ZNF70: variants seen among roughly 807,000 people sequenced by gnomAD.
ZNF70 encodes the protein zinc finger protein N27C7-1.
ZNF70 carries 18 observed loss-of-function variants against 37.7 expected under a neutral mutation model. The observed-to-expected ratio is 0.48, with a 90% CI of 0.33 to 0.71. The LOEUF (loss-of-function observed/expected upper bound fraction) is 0.71, where lower values mean the gene tolerates loss of function less well. Among genes scored for constraint, ZNF70 ranks in the 30% least tolerant of loss-of-function variants. ZNF70 has a pLI of 0.02. For synonymous variants in ZNF70, 219 were observed against 220.1 expected, an observed-to-expected ratio of 0.99 and a Z score of 0.05; for missense variants, 506 against 568.6, an observed-to-expected ratio of 0.89 and a Z score of 1.12.
chr22:23,740,195 A>C lies in ZNF70; in HGVS notation c.*3605T>G, dbSNP rs1013779289. Reference sequence around the variant, plus strand: ...CGTGGTGGCGGGTGCCTGTAGTCCCAGCTACTTGGGAGGCTGAGGCAGGAG... The same window carrying C: ...CGTGGTGGCGGGTGCCTGTAGTCCCCGCTACTTGGGAGGCTGAGGCAGGAG... On this transcript the variant is annotated 3_prime_UTR_variant, in exon 2 of 2. Transcript: ENST00000341976. 1.3e-5 allele frequency: 2 copies of C among 151,742 alleles called. No homozygotes were observed. The highest frequency in any genetic ancestry group is 2.4e-5 in the African/African-American group (1 of 41,328). 9.4% of individuals were successfully genotyped at this position (151,742 alleles called of 1,614,324 possible).
At chr22:23,748,338 C>T (rs1377353211) in intron 1 of ZNF70, among the ~76,000 whole-genome samples, 3 of 152,132 alleles carry the variant, frequency 2.0e-5, no homozygotes, top group African/African-American at 7.2e-5. Context: ...CTCCCCGGCT[C>T]AACTGATCCT....
rs1331765258 is a variant in ZNF70, at chr22:23,745,117, C to G, written c.24G>C (p.Lys8Asn). MEVPPAT[K>N]FGETFAFENR... Reference sequence around the variant, plus strand: ...TCTCAAATGCAAAGGTCTCACCAAACTTTGTTGCTGGGGGAACCTCCATTG... The same window carrying G: ...TCTCAAATGCAAAGGTCTCACCAAAGTTTGTTGCTGGGGGAACCTCCATTG... The change falls in exon 2 of 2, where the codon AAG becomes AAC. Residue 8 changes from lysine (K) to asparagine (N), a missense_variant. Transcript: ENST00000341976. The G allele has an allele frequency of 2.5e-6, 4 of 1,612,428 alleles. No homozygotes were observed. The highest frequency in any genetic ancestry group is 3.4e-6 in the Non-Finnish European group (4 of 1,178,704).
In ZNF70 at chr22:23,744,393, T is replaced by C. The variant is rs746936520; in HGVS notation, c.748A>G (p.Arg250Gly). Residue 250 changes from arginine (R) to glycine (G), a missense_variant, in exon 2 of 2, where the codon AGA becomes GGA. Physicochemically the swap from Arg to Gly is moderately radical, Grantham distance 125. Transcript: ENST00000341976. The stretch of plus-strand genomic sequence containing the variant: ...CCACATTCCTTACACTGATAAGGTC[T>C]CTCTCCTGTATGAATTCTCTCGTGT... ...RKHERIHTGE[R>G]PYQCKECGKS... is the part of the protein sequence containing the mutation. The C allele has an allele frequency of 2.5e-6, 4 of 1,614,156 alleles. No homozygotes were observed. The highest frequency in any genetic ancestry group is 1.6e-4 in the Middle Eastern group (1 of 6,062).
In ZNF70 at chr22:23,738,739, T is replaced by G. The variant is rs1924792692; in HGVS notation, c.*5061A>C. 1 of 152,068 alleles carries G rather than the reference T, an allele frequency of 6.6e-6. No individual in the cohort carries two copies. Among genetic ancestry groups the G allele is most frequent in the African/African-American group, 2.4e-5 (1 of 41,398 alleles). The allele number at this position is 152,068 out of a possible 1,614,324, so 9.4% of individuals were successfully genotyped here. ...TCATACCCTGCCTATTTCTCAAAAA[T>G]GACTTGAGAAAAACTGCACAACATA... On this transcript the variant is annotated 3_prime_UTR_variant, in exon 2 of 2. Transcript: ENST00000341976.
rs752941964 is a variant in ZNF70 at position 23,742,486 on chromosome 22, A to G, written c.*1314T>C. On this transcript the variant is annotated 3_prime_UTR_variant, in exon 2 of 2. Transcript: ENST00000341976. ...TACAGGAGGCTCAGGATGGCATCCT[A>G]GAGGAAGTGTCCTTGTGTGGGACAC... is the stretch of plus-strand genomic sequence containing the variant. The G allele has an allele frequency of 6.6e-6, 1 of 152,292 alleles. No individual in the cohort carries two copies. Among genetic ancestry groups the G allele is most frequent in the Non-Finnish European group, 1.5e-5 (1 of 68,072 alleles). 9.4% of individuals were successfully genotyped at this position (152,292 alleles called of 1,614,324 possible).
Position 23,742,978 on chromosome 22 carries a change from C to G in ZNF70, c.*822G>C, listed in dbSNP as rs986827527. ...ATTGCCAGAACAGACCAGACCCAGGCCCTGCTGATGTCCAAGGCACACTGT... is the reference window on the plus strand; with the variant it reads ...ATTGCCAGAACAGACCAGACCCAGGGCCTGCTGATGTCCAAGGCACACTGT... On this transcript the variant is annotated 3_prime_UTR_variant, in exon 2 of 2. Transcript: ENST00000341976. 3 of 152,420 alleles carry G rather than the reference C, an allele frequency of 2.0e-5. No homozygotes were observed. Among genetic ancestry groups the G allele is most frequent in the Non-Finnish European group, 2.9e-5 (2 of 68,192 alleles). The allele number at this position is 152,420 out of a possible 1,614,324, so 9.4% of individuals were successfully genotyped here.
At position 23,744,773 on chromosome 22, in the gene ZNF70, CCT is replaced by C. The variant is rs1176059205; in HGVS notation, c.366_367del (p.Asp124LeufsTer4). The C allele has an allele frequency of 6.2e-7, 1 of 1,614,044 alleles. No homozygotes were observed. Among genetic ancestry groups the C allele is most frequent in the Non-Finnish European group, 8.5e-7 (1 of 1,180,038 alleles). On this transcript the variant is annotated frameshift_variant, in exon 2 of 2. Coordinates refer to ENST00000341976, the MANE Select transcript of ZNF70 (RefSeq NM_021916.4). LOFTEE classifies it high-confidence loss of function. Reference sequence around the variant, plus strand: ...GTGAGGTGCGTTAGGTCCTGAGTCCCCTCTGTCTGTTTCTGCACAATCGCATG... The same window carrying C: ...GTGAGGTGCGTTAGGTCCTGAGTCCCCTGTCTGTTTCTGCACAATCGCATG...
At chr22:23,748,736 G>A (rs1187829122) in intron 1 of ZNF70, among the ~76,000 whole-genome samples, 4 of 151,580 alleles carry the variant, frequency 2.6e-5, no homozygotes, top group Middle Eastern at 3.4e-3. Flanking sequence ...GTAGAGATGG[G>A]GTTTCACTAT....
chr22:23,745,297 A>G, intron 1 of ZNF70, 78 bp from the exon 2 acceptor site: 2 of 749,010 alleles, frequency 2.7e-6, no homozygotes, highest in South Asian at 3.7e-5. Flanking sequence ...CCTAGAATCT[A>G]TGGTAGAAAC....
intron 1 of ZNF70, among the ~76,000 whole-genome samples, chr22:23,749,218 C>A (rs1008677818): frequency 6.6e-6 from 1 of 151,344 alleles, no homozygotes; most frequent in Non-Finnish European, 1.5e-5. Context: ...AAAATTACAG[C>A]GCGTCTGTAA....
rs756976286 is a variant in ZNF70, at chr22:23,744,478, C to T, written c.663G>A (p.Lys221=). The T allele has an allele frequency of 6.2e-7, 1 of 1,614,164 alleles. No individual in the cohort carries two copies. Among genetic ancestry groups the T allele is most frequent in the South Asian group, 1.1e-5 (1 of 91,086 alleles). Reference sequence around the variant, plus strand: ...CGCATTCCCTGCACTCGTAGGGCCTCTTTCCGGTGTGGATCTTTTGGTGTT... The same window carrying T: ...CGCATTCCCTGCACTCGTAGGGCCTTTTTCCGGTGTGGATCTTTTGGTGTT... The part of the protein sequence containing the change: ...LTQHQKIHTG[K]RPYECRECGK... The change falls in exon 2 of 2, where the codon AAG becomes AAA. Residue 221 remains lysine, a synonymous_variant. Coordinates refer to ENST00000341976, the MANE Select transcript of ZNF70 (RefSeq NM_021916.4).
chr22:23,744,016 G>C lies in ZNF70; in HGVS notation c.1125C>G (p.His375Gln). 1 of 1,614,086 alleles carries C rather than the reference G, an allele frequency of 6.2e-7. No individual in the cohort carries two copies. Among genetic ancestry groups the C allele is most frequent in the East Asian group, 2.2e-5 (1 of 44,882 alleles). Residue 375 changes from histidine (H) to glutamine (Q), a missense_variant, in exon 2 of 2, where the codon CAC becomes CAG. His to Gln is a conservative substitution (Grantham distance 24). Coordinates refer to ENST00000341976, the MANE Select transcript of ZNF70 (RefSeq NM_021916.4). Reference protein sequence around the residue: ...ECCQCGKAFCHSSALIQHQRI... With the variant: ...ECCQCGKAFCQSSALIQHQRI... Reference sequence around the variant, plus strand: ...TCTGGTGCTGGATCAGCGCAGAGCTGTGGCAAAAGGCCTTGCCACACTGAC... The same window carrying C: ...TCTGGTGCTGGATCAGCGCAGAGCTCTGGCAAAAGGCCTTGCCACACTGAC...
At chr22:23,750,285 G>A (rs544067003) in intron 1 of ZNF70, among the ~76,000 whole-genome samples, 1 of 152,200 alleles carries the variant, frequency 6.6e-6, no homozygotes, top group Non-Finnish European at 1.5e-5. Context: ...TTTGGCTCTC[G>A]AAGAGTTTGG....
Position 23,743,768 on chromosome 22 carries a change from C to T in ZNF70, c.*32G>A. The T allele has an allele frequency of 6.3e-7, 1 of 1,589,926 alleles. No homozygotes were observed. Among genetic ancestry groups the T allele is most frequent in the Non-Finnish European group, 8.6e-7 (1 of 1,168,740 alleles). ...CGTGGAATAAAGGCTCCATCTGGCACAGGCTTTCAAGCTTTGTGTGGGCTC... is the reference window on the plus strand; with the variant it reads ...CGTGGAATAAAGGCTCCATCTGGCATAGGCTTTCAAGCTTTGTGTGGGCTC... On this transcript the variant is annotated 3_prime_UTR_variant, in exon 2 of 2. Coordinates refer to ENST00000341976, the MANE Select transcript of ZNF70 (RefSeq NM_021916.4).
chr22:23,743,444 A>C lies in ZNF70; in HGVS notation c.*356T>G, dbSNP rs1372592734. 4.3e-6 allele frequency: 1 copy of C among 231,110 alleles called. No individual in the cohort carries two copies. Among genetic ancestry groups the C allele is most frequent in the African/African-American group, 2.3e-5 (1 of 43,964 alleles). The allele number at this position is 231,110 out of a possible 1,614,324, so 14.3% of individuals were successfully genotyped here. A position where few individuals can be genotyped will look rare whatever the true frequency, so the allele number is the denominator to read the frequency against. On this transcript the variant is annotated 3_prime_UTR_variant, in exon 2 of 2. Transcript: ENST00000341976. Reference sequence around the variant, plus strand: ...CTGATATTTTCCTGGGTTTAATTCAACTTTCTCCCTCTTGGCATTTATTCT... The same window carrying C: ...CTGATATTTTCCTGGGTTTAATTCACCTTTCTCCCTCTTGGCATTTATTCT...
rs1185733818 is a variant in ZNF70, at chr22:23,744,705, CACACTCTCG to C, written c.427_435del (p.Arg143_Cys145del). On this transcript the variant is annotated inframe_deletion, in exon 2 of 2. Transcript: ENST00000341976. The stretch of plus-strand genomic sequence containing the variant: ...TGCGAGCTCTGGCTGAAGGCCTTCC[CACACTCTCG>C]ACACGCATAGGGCTTGGCTGGTTGT... 1 of 1,614,204 alleles carries C rather than the reference CACACTCTCG, an allele frequency of 6.2e-7. No homozygotes were observed.
In ZNF70 at chr22:23,744,630, A is replaced by G; in HGVS notation, c.511T>C (p.Cys171Arg). The change falls in exon 2 of 2, where the codon TGT (cysteine) becomes CGT (arginine). Residue 171 changes from cysteine (C) to arginine (R), a missense_variant. Transcript: ENST00000341976. ...IHTGEKPYEC[C>R]ECGKAFSQSS... ...TGGCTGAAGGCCTTCCCGCACTCAC[A>G]GCACTCATAGGGCTTCTCCCCAGTG... 6.2e-7 allele frequency: 1 copy of G among 1,612,206 alleles called. No homozygotes were observed.
In ZNF70 at chr22:23,744,390, G is replaced by A. The variant is rs758301985; in HGVS notation, c.751C>T (p.Pro251Ser). The change falls in exon 2 of 2, where the codon CCT (proline) becomes TCT (serine). Residue 251 changes from proline (P) to serine (S), a missense_variant. Coordinates refer to ENST00000341976, the MANE Select transcript of ZNF70 (RefSeq NM_021916.4). ...KHERIHTGER[P>S]YQCKECGKSF... ...TTCCCACATTCCTTACACTGATAAG[G>A]TCTCTCTCCTGTATGAATTCTCTCG... 6.2e-7 allele frequency: 1 copy of A among 1,614,148 alleles called. No individual in the cohort carries two copies. The highest frequency in any genetic ancestry group is 1.1e-5 in the South Asian group (1 of 91,078).
rs201325905 is a variant in ZNF70 at position 23,745,048 on chromosome 22, C to T, written c.93G>A (p.Leu31=). Residue 31 remains leucine (L), a synonymous_variant, in exon 2 of 2, where the codon CTG becomes CTA. Transcript: ENST00000341976. ...CTCTTTCCTGAAGAAAAGGGTCCCCCAGGTCCTCCCCTGGGAAAAGCCCTT... is the reference window on the plus strand; with the variant it reads ...CTCTTTCCTGAAGAAAAGGGTCCCCTAGGTCCTCCCCTGGGAAAAGCCCTT... ...SQQGLFPGED[L]GDPFLQERGL... is the part of the protein sequence containing the mutation. The T allele has an allele frequency of 6.2e-7, 1 of 1,614,238 alleles. No individual in the cohort carries two copies. The highest frequency in any genetic ancestry group is 2.2e-5 in the East Asian group (1 of 44,888).
Sources: gnomAD v4.1 joint callset for allele counts (sites outside exome capture counted in the v4.1 genomes callset) on GRCh38, gnomAD v4.1.1 for gene constraint, MANE v1.5 for transcripts, NCBI Gene and HGNC (gene_info 2026-07-23, HGNC 2026-07-21) for gene names.